The following ANTXR1 variants were observed in gnomAD, a reference collection of about 807,000 sequenced individuals.
The protein encoded by ANTXR1 is anthrax toxin receptor 1.
Under a neutral mutation model 78.1 loss-of-function variants are expected in ANTXR1, and 19 were observed. The observed-to-expected ratio is 0.24, with a 90% CI of 0.17 to 0.36. The LOEUF (loss-of-function observed/expected upper bound fraction) is 0.36, where lower values mean the gene tolerates loss of function less well. Among genes scored for constraint, ANTXR1 ranks in the 10% least tolerant of loss-of-function variants. ANTXR1 has a pLI of 1.00. For synonymous variants in ANTXR1, 273 were observed against 260.5 expected (o/e 1.05, Z -0.46); for missense variants, 518 against 718.6 (o/e 0.72, Z 3.19).
intron 10 of ANTXR1, among the ~76,000 whole-genome samples, chr2:69,120,083 A>G (rs1672291285): frequency 6.6e-6 from 1 of 152,202 alleles, no homozygotes; most frequent in Non-Finnish European, 1.5e-5. Context: ...CTTCCCAAAC[A>G]TCATCGCTTA....
At chr2:69,096,325 G>GAAGGAAGGAAATCAAA (rs1671416674) in intron 9 of ANTXR1, among the ~76,000 whole-genome samples, 1 of 9,616 alleles carries the variant, frequency 1.0e-4, no homozygotes, top group Non-Finnish European at 1.7e-4. Flanking sequence ...AGGAAGGGAG[G>GAAGGAAGGAAATCAAA]AAGGGAGGAA....
chr2:69,070,636 T>C lies in ANTXR1; in HGVS notation c.297-11T>C, dbSNP rs758283580. 6.3e-5 allele frequency: 102 copies of C among 1,613,704 alleles called. No homozygotes were observed. Among genetic ancestry groups the C allele is most frequent in the Non-Finnish European group, 8.1e-5 (96 of 1,179,738 alleles). On this transcript the variant is annotated splice_polypyrimidine_tract_variant and intron_variant, in intron 3 of 17. Transcript: ENST00000303714. ...CTCAAATAAGACTAACAGAGTGTCT[T>C]TGGATTTCAGAGAACAAATCCGTCA...
intron 3 of ANTXR1, among the ~76,000 whole-genome samples, chr2:69,057,415 C>T (rs932661671): frequency 6.6e-6 from 1 of 152,152 alleles, no homozygotes; most frequent in Non-Finnish European, 1.5e-5. Context: ...GTCTGTATGT[C>T]ACATTTTGGT....
chr2:69,121,980 A>G (rs78824371), intron 10 of ANTXR1, among the ~76,000 whole-genome samples: 8,331 of 152,168 alleles, frequency 0.055, 760 homozygotes, highest in African/African-American at 0.19. Context: ...AGAGTCCCCG[A>G]CTCTGATTCA....
rs1675587794 is a variant in ANTXR1 at position 69,231,132 on chromosome 2, T to C, written c.1435-14093T>C. The stretch of plus-strand genomic sequence containing the variant: ...TCCATCCATGTTCCTGCAAAAGACA[T>C]GATCTCATTCTTTTTTATGGCTGCA... On this transcript the variant is annotated intron_variant, in intron 17 of 17. Coordinates refer to ENST00000303714, the MANE Select transcript of ANTXR1 (RefSeq NM_032208.3). Among the ~76,000 whole-genome samples the C allele has an allele frequency of 2.0e-5, 3 of 152,234 alleles. No individual in the cohort carries two copies. The South Asian group carries it at 6.2e-4, about 32-fold the overall frequency.
chr2:69,145,126 A>T (rs1330400454), intron 12 of ANTXR1, among the ~76,000 whole-genome samples: 2 of 152,196 alleles, frequency 1.3e-5, no homozygotes, highest in Non-Finnish European at 2.9e-5. Context: ...GGAAGCCCAG[A>T]GTTAAATAGA....
intron 3 of ANTXR1, among the ~76,000 whole-genome samples, chr2:69,063,877 G>A (rs73934662): frequency 3.3e-5 from 5 of 151,622 alleles, no homozygotes; most frequent in Non-Finnish European, 5.9e-5. Flanking sequence ...ATTATAATTC[G>A]CAGAGCAACT....
At chr2:69,169,697 A>G (rs1673925628) in intron 13 of ANTXR1, among the ~76,000 whole-genome samples, 1 of 152,048 alleles carries the variant, frequency 6.6e-6, no homozygotes, top group East Asian at 1.9e-4. Flanking sequence ...ATCCCTGGAC[A>G]CTCCTTTGCT....
intron 14 of ANTXR1, among the ~76,000 whole-genome samples, chr2:69,172,039 G>C (rs1041482761): frequency 6.6e-6 from 1 of 152,284 alleles, no homozygotes; most frequent in African/African-American, 2.4e-5. Context: ...GATAACTCAC[G>C]TGAACACCTG....
At chr2:69,243,740 A>G (rs193065449) in intron 17 of ANTXR1, among the ~76,000 whole-genome samples, 1 of 152,322 alleles carries the variant, frequency 6.6e-6, no homozygotes, top group East Asian at 1.9e-4. Flanking sequence ...CTCTCTGGAC[A>G]TATCTCGTTC....
Position 69,059,212 on chromosome 2 carries a change from T to C in ANTXR1, c.297-11435T>C, listed in dbSNP as rs76406652. Among the ~76,000 whole-genome samples, 2,404 of 152,334 alleles carry C rather than the reference T, an allele frequency of 0.016. 98 individuals carry two copies. In the East Asian group the frequency reaches 0.17, roughly 10 times the overall value. On this transcript the variant is annotated intron_variant, in intron 3 of 17. Coordinates refer to ENST00000303714, the MANE Select transcript of ANTXR1 (RefSeq NM_032208.3). Reference sequence around the variant, plus strand: ...TTCGCTCCAATTTTGAAAGAAGTTCTATGGTGGGTAAAATGCTATCAAAGA... The same window carrying C: ...TTCGCTCCAATTTTGAAAGAAGTTCCATGGTGGGTAAAATGCTATCAAAGA...
In ANTXR1 at chr2:69,210,950, A is replaced by G. The variant is rs531335559; in HGVS notation, c.1434+17535A>G. Among the ~76,000 whole-genome samples the G allele has an allele frequency of 9.2e-4, 140 of 151,862 alleles. 2 individuals are homozygous for G. The highest frequency in any genetic ancestry group is 3.3e-3 in the African/African-American group (136 of 41,402). ...GACTCCATCACAAAAAAAAAAAAAA[A>G]AAAAAAGAACCAGATGGTTGTCACA... On this transcript the variant is annotated intron_variant, in intron 17 of 17. Coordinates refer to ENST00000303714, the MANE Select transcript of ANTXR1 (RefSeq NM_032208.3).
intron 16 of ANTXR1, among the ~76,000 whole-genome samples, chr2:69,189,013 G>A (rs920710261): frequency 6.6e-6 from 1 of 152,178 alleles, no homozygotes; most frequent in African/African-American, 2.4e-5. Flanking sequence ...TTCTGATTTT[G>A]GTTGTAAACA....
chr2:69,138,840 T>G (rs939252743), intron 12 of ANTXR1, among the ~76,000 whole-genome samples: 1 of 152,226 alleles, frequency 6.6e-6, no homozygotes, highest in African/African-American at 2.4e-5. Context: ...GGAAAACTGT[T>G]TCATTTGCAG....
At chr2:69,179,237 T>C (rs1674212999) in intron 14 of ANTXR1, among the ~76,000 whole-genome samples, 2 of 152,182 alleles carry the variant, frequency 1.3e-5, no homozygotes, top group Admixed American at 1.3e-4. Context: ...TTTTGTTATA[T>C]TTTGCAGTTA....
chr2:69,067,307 A>C (rs1423067546), intron 3 of ANTXR1, among the ~76,000 whole-genome samples: 3 of 96,070 alleles, frequency 3.1e-5, no homozygotes, highest in Non-Finnish European at 5.4e-5. Flanking sequence ...GTTCTGGTAC[A>C]AAAAAAAAAA....
intron 8 of ANTXR1, among the ~76,000 whole-genome samples, chr2:69,084,126 C>T (rs1670976169): frequency 6.6e-6 from 1 of 152,200 alleles, no homozygotes; most frequent in Admixed American, 6.5e-5. Flanking sequence ...TGCTGAGACC[C>T]ACTATAAAAG....
intron 1 of ANTXR1, among the ~76,000 whole-genome samples, chr2:69,026,003 C>T (rs1167373072): frequency 1.3e-5 from 2 of 152,368 alleles, no homozygotes; most frequent in African/African-American, 4.8e-5. Flanking sequence ...CATTTCAGCA[C>T]TCCTGCTTCC....
chr2:69,175,131 A>G (rs1674085306), intron 14 of ANTXR1, among the ~76,000 whole-genome samples: 1 of 152,172 alleles, frequency 6.6e-6, no homozygotes, highest in South Asian at 2.1e-4. Flanking sequence ...CCTGTCTCTG[A>G]CCCGTGTCAC....
Sources: allele counts gnomAD v4.1 joint callset (sites outside exome capture counted in the v4.1 genomes callset), GRCh38; gene constraint gnomAD v4.1.1; transcripts MANE v1.5; gene names NCBI Gene and HGNC (gene_info 2026-07-23, HGNC 2026-07-21).